The following DENND2B variants were observed in gnomAD, a reference collection of about 807,000 sequenced individuals.
The protein encoded by DENND2B is DENN domain containing 2B, also known as DENN domain-containing protein 2B.
In DENND2B, 32 loss-of-function variants were observed where a neutral mutation model predicts 116.0. That is an observed-to-expected ratio of 0.28 (90% CI 0.21 to 0.37). The LOEUF (loss-of-function observed/expected upper bound fraction) is 0.37, where lower values mean the gene tolerates loss of function less well. Among genes scored for constraint, DENND2B ranks in the 10% least tolerant of loss-of-function variants. The pLI is 1.00. For missense variants in DENND2B, 1,276 were observed against 1,477.7 expected, an observed-to-expected ratio of 0.86 and a Z score of 2.24; for synonymous variants, 588 against 583.9, an observed-to-expected ratio of 1.01 and a Z score of -0.10.
chr11:8,810,207 A>T (rs1476430089), intron 1 of DENND2B: 2 of 152,274 alleles, frequency 1.3e-5, no homozygotes, highest in African/African-American at 4.8e-5. Flanking sequence ...AGATTTTTCC[A>T]TATAAAAGAT....
chr11:8,858,009 G>C (rs1360200394), intron 2 of DENND2B, among the ~76,000 whole-genome samples: 2 of 152,176 alleles, frequency 1.3e-5, no homozygotes, highest in Non-Finnish European at 2.9e-5. Context: ...GTGGAATCCA[G>C]AACAAATTAC....
chr11:8,827,248 G>A (rs935742784), intron 4 of DENND2B, among the ~76,000 whole-genome samples: 8 of 152,224 alleles, frequency 5.3e-5, no homozygotes, highest in Non-Finnish European at 1.0e-4. Flanking sequence ...CGACTGAGAG[G>A]AGGAAGGCAG....
At chr11:8,827,755 G>A (rs1385343847) in intron 4 of DENND2B, among the ~76,000 whole-genome samples, 1 of 152,216 alleles carries the variant, frequency 6.6e-6, no homozygotes, top group African/African-American at 2.4e-5. Flanking sequence ...GCAAGCTTCT[G>A]AAGGGTGAAC....
chr11:8,904,530 C>T (rs2064211210), intron 1 of DENND2B, among the ~76,000 whole-genome samples: 1 of 152,166 alleles, frequency 6.6e-6, no homozygotes. Context: ...CAAAGATGTT[C>T]CCCTTGCCAC....
intron 2 of DENND2B, among the ~76,000 whole-genome samples, chr11:8,862,986 C>A (rs926908155): frequency 2.0e-5 from 3 of 151,982 alleles, no homozygotes; most frequent in African/African-American, 7.3e-5. Flanking sequence ...TTGCCAATAC[C>A]TTTTGGCAGA....
At chr11:8,762,748 T>A (rs2054911898) in intron 1 of DENND2B, among the ~76,000 whole-genome samples, 1 of 152,156 alleles carries the variant, frequency 6.6e-6, no homozygotes, top group Non-Finnish European at 1.5e-5. Context: ...TAATCCTAAC[T>A]ACTCGGGAGG....
chr11:8,824,318 CA>C (rs1194860839), intron 4 of DENND2B, among the ~76,000 whole-genome samples: 1 of 151,972 alleles, frequency 6.6e-6, no homozygotes, highest in African/African-American at 2.4e-5. Context: ...GCCTAGTACT[CA>C]TTAGTATTTT....
chr11:8,697,055 C>G (rs941811906), intron 17 of DENND2B, among the ~76,000 whole-genome samples: 1 of 152,234 alleles, frequency 6.6e-6, no homozygotes, highest in African/African-American at 2.4e-5. Flanking sequence ...CGTGAGCCAC[C>G]ACACCCGGCC....
At chr11:8,844,742 A>AT (rs765301324) in intron 3 of DENND2B, among the ~76,000 whole-genome samples, 16 of 88,950 alleles carry the variant, frequency 1.8e-4, no homozygotes, top group Non-Finnish European at 2.2e-4. Flanking sequence ...TATTTATTTT[A>AT]TTTTTTTTTA....
rs1566049050 is a variant in DENND2B, at chr11:8,849,755, AG to A, written c.-156+7587del. On this transcript the variant is annotated intron_variant, in intron 3 of 6. Coordinates refer to the DENND2B transcript ENST00000524757. Reference sequence around the variant, plus strand: ...GGAGAATTGCTTGAATCCAAGAGGCAGAGGTTGCAGTGAGCTGAGATCGCCC... The same window carrying A: ...GGAGAATTGCTTGAATCCAAGAGGCAAGGTTGCAGTGAGCTGAGATCGCCC... Among the ~76,000 whole-genome samples, 571 of 144,524 alleles carry A rather than the reference AG, an allele frequency of 4.0e-3. 1 individual carries two copies. Among genetic ancestry groups the A allele is most frequent in the Middle Eastern group, 7.2e-3 (2 of 278 alleles). 94.8% of individuals were successfully genotyped at this position (144,524 alleles called of 152,430 possible).
intron 6 of DENND2B, among the ~76,000 whole-genome samples, chr11:8,715,136 C>T (rs535785347): frequency 3.3e-5 from 5 of 152,330 alleles, no homozygotes; most frequent in South Asian, 4.1e-4. Flanking sequence ...TCCCAATATA[C>T]CCAAGCATTG....
intron 4 of DENND2B, among the ~76,000 whole-genome samples, chr11:8,827,432 T>G (rs1594132525): frequency 6.6e-6 from 1 of 152,206 alleles, no homozygotes; most frequent in South Asian, 2.1e-4. Context: ...CTGAAGGTGA[T>G]GAAAGATTAT....
At chr11:8,758,175 C>G (rs1397887322) in intron 1 of DENND2B, among the ~76,000 whole-genome samples, 2 of 152,174 alleles carry the variant, frequency 1.3e-5, no homozygotes, top group East Asian at 3.9e-4. Context: ...TTGTGTCCCA[C>G]AGCATGTTCT....
At chr11:8,776,260 G>T (rs780180829) in intron 1 of DENND2B, 1 of 455,862 alleles carries the variant, frequency 2.2e-6, no homozygotes, top group South Asian at 1.5e-5. Context: ...ATGTTTCTGG[G>T]CTCAAATCAC....
intron 1 of DENND2B, among the ~76,000 whole-genome samples, chr11:8,788,897 C>T (rs976794514): frequency 6.6e-6 from 1 of 152,188 alleles, no homozygotes; most frequent in African/African-American, 2.4e-5. Flanking sequence ...GTATATCAGC[C>T]ACCTCTTGGC....
rs962708035 is a variant in DENND2B at position 8,831,886 on chromosome 11, G to A, written c.-115+7424C>T. On this transcript the variant is annotated intron_variant, in intron 4 of 6. Coordinates refer to the DENND2B transcript ENST00000524757. ...GAAAGATTTTAAACCTGGTAAGGAT[G>A]GTAATGCCTTCAGGGGCCAGAGGAT... The A allele has an allele frequency of 3.9e-5, 6 of 152,094 alleles. No homozygotes were observed. The East Asian group carries it at 9.6e-4, about 24-fold the overall frequency. 9.4% of individuals were successfully genotyped at this position (152,094 alleles called of 1,614,324 possible).
At chr11:8,841,296 A>G (rs929123390) in intron 3 of DENND2B, among the ~76,000 whole-genome samples, 1 of 152,124 alleles carries the variant, frequency 6.6e-6, no homozygotes, top group Non-Finnish European at 1.5e-5. Context: ...AAAATTTAAA[A>G]TTTTTCCTAT....
chr11:8,840,274 C>T (rs1219276909), intron 3 of DENND2B, among the ~76,000 whole-genome samples: 2 of 152,122 alleles, frequency 1.3e-5, no homozygotes, highest in Non-Finnish European at 2.9e-5. Context: ...TCCCAAGGTG[C>T]TTTCAGGCTT....
intron 2 of DENND2B, among the ~76,000 whole-genome samples, chr11:8,878,052 G>T (rs779255844): frequency 6.6e-6 from 1 of 152,180 alleles, no homozygotes; most frequent in Non-Finnish European, 1.5e-5. Context: ...TTCAATGATT[G>T]TCAGAATTTC....
Sources: allele counts gnomAD v4.1 joint callset (sites outside exome capture counted in the v4.1 genomes callset), GRCh38; gene constraint gnomAD v4.1.1; transcripts MANE v1.5; gene names NCBI Gene and HGNC (gene_info 2026-07-23, HGNC 2026-07-21).